NHSL2: variants seen among roughly 807,000 people sequenced by gnomAD.
The protein encoded by NHSL2 is NHS like 2, also known as NHS-like protein 2.
NHSL2 carries 27 observed loss-of-function variants against 53.4 expected under a neutral mutation model. That is an observed-to-expected ratio of 0.51 (90% CI 0.37 to 0.70). The LOEUF is 0.70. Among genes scored for constraint, NHSL2 ranks in the 30% least tolerant of loss-of-function variants. NHSL2 has a pLI of 0.00. For synonymous variants in NHSL2, 408 were observed against 404.1 expected, an observed-to-expected ratio of 1.01 and a Z score of -0.12; for missense variants, 892 against 980.1, an observed-to-expected ratio of 0.91 and a Z score of 1.20.
chrX:72,130,496 CT>C, intron 1 of NHSL2: 1 of 1,211,174 alleles, frequency 8.3e-7, no homozygotes, highest in African/African-American at 1.7e-5. Flanking sequence ...GCCTCTTGGT[CT>C]TCATCTTCAC....
chrX:71,974,628 C>T (rs761630351), intron 1 of NHSL2, among the ~76,000 whole-genome samples: 84 of 111,885 alleles, frequency 7.5e-4, no homozygotes, highest in Non-Finnish European at 1.1e-3. Context: ...GGCAAGAGCA[C>T]GCAAAATAGC....
In NHSL2 at chrX:72,144,710, ACACAC is replaced by A; in HGVS notation, c.*1137_*1141del. The A allele has an allele frequency of 7.6e-5, 1 of 13,173 alleles. No individual in the cohort carries two copies. The allele number at this position is 13,173 out of a possible 1,213,427, so 1.1% of individuals were successfully genotyped here. ...AGTTGCTATGGCCCATAATGCACACACACACACACACACACACACACACACACACA... is the reference window on the plus strand; with the variant it reads ...AGTTGCTATGGCCCATAATGCACACAACACACACACACACACACACACACA... On this transcript the variant is annotated 3_prime_UTR_variant, in exon 8 of 8. Transcript: ENST00000633930.
At chrX:71,913,695 C>G (rs1367371700) in intron 1 of NHSL2, among the ~76,000 whole-genome samples, 1 of 111,948 alleles carries the variant, frequency 8.9e-6, no homozygotes, top group African/African-American at 3.3e-5. Flanking sequence ...AGCAACATGG[C>G]CAGAGTGAAT....
rs750641294 is a variant in NHSL2 at position 72,146,901 on chromosome X, A to G, written c.*3327A>G. The stretch of plus-strand genomic sequence containing the variant: ...CATGAACTGCATCCCTAGCACAACA[A>G]CTCACCCATAAAGGAAGTGAGACAA... On this transcript the variant is annotated 3_prime_UTR_variant, in exon 8 of 8. Coordinates refer to ENST00000633930, the MANE Select transcript of NHSL2 (RefSeq NM_001013627.3). 1 of 111,205 alleles carries G rather than the reference A, an allele frequency of 9.0e-6. No homozygotes were observed. Among genetic ancestry groups the G allele is most frequent in the East Asian group, 2.8e-4 (1 of 3,560 alleles). The allele number at this position is 111,205 out of a possible 1,213,427, so 9.2% of individuals were successfully genotyped here.
intron 1 of NHSL2, among the ~76,000 whole-genome samples, chrX:72,008,517 G>A (rs1202718228): frequency 8.9e-6 from 1 of 111,761 alleles, no homozygotes; most frequent in Admixed American, 9.4e-5. Flanking sequence ...GATGATGATC[G>A]TTTTCTGGAG....
intron 1 of NHSL2, among the ~76,000 whole-genome samples, chrX:71,954,083 C>G (rs1051093945): frequency 8.9e-5 from 10 of 112,414 alleles, no homozygotes; most frequent in African/African-American, 2.9e-4. Context: ...ACTCCTTGCT[C>G]CATTATGTTA....
intron 1 of NHSL2, among the ~76,000 whole-genome samples, chrX:72,090,633 A>ATT (rs2041888025): frequency 9.0e-6 from 1 of 111,301 alleles, no homozygotes; most frequent in Admixed American, 9.5e-5. Flanking sequence ...GTAAAAGACT[A>ATT]TTTCATGAAA....
chrX:72,139,401 A>G lies in NHSL2; in HGVS notation c.1853A>G (p.Gln618Arg), dbSNP rs759868484. 8.3e-7 allele frequency: 1 copy of G among 1,209,813 alleles called. No individual in the cohort carries two copies. The highest frequency in any genetic ancestry group is 1.1e-6 in the Non-Finnish European group (1 of 894,008). The stretch of plus-strand genomic sequence containing the variant: ...CATCACTCGTCCCACCCAGATGCTC[A>G]GGGTCACCCAGCTATTCCAAACCAC... ...QGHHSSHPDA[Q>R]GHPAIPNHKD... Residue 618 changes from glutamine (Q) to arginine (R), a missense_variant, in exon 6 of 8, where the codon CAG (glutamine) becomes CGG (arginine). By Grantham distance (43) the Gln-to-Arg change is conservative. Coordinates refer to ENST00000633930, the MANE Select transcript of NHSL2 (RefSeq NM_001013627.3).
chrX:72,138,545 C>G lies in NHSL2; in HGVS notation c.997C>G (p.Gln333Glu), dbSNP rs1028290333. ...EGVHGRVAVG[Q>E]DARFPSLTSP... ...GGTTCATGGAAGAGTTGCAGTTGGT[C>G]AGGATGCTCGGTTCCCAAGTCTCAC... The change falls in exon 6 of 8, where the codon CAG becomes GAG. Residue 333 changes from glutamine (Q) to glutamate (E), a missense_variant. Gln to Glu is a conservative substitution (Grantham distance 29). Coordinates refer to ENST00000633930, the MANE Select transcript of NHSL2 (RefSeq NM_001013627.3). The G allele has an allele frequency of 1.5e-5, 18 of 1,165,382 alleles. No individual in the cohort carries two copies. Among genetic ancestry groups the G allele is most frequent in the Non-Finnish European group, 2.1e-5 (18 of 872,177 alleles).
intron 1 of NHSL2, among the ~76,000 whole-genome samples, chrX:71,934,003 C>T (rs1000844833): frequency 9.0e-6 from 1 of 110,755 alleles, no homozygotes; most frequent in Non-Finnish European, 1.9e-5. Context: ...CCTTGGAGAT[C>T]CATGCTGCCT....
chrX:71,958,416 A>G (rs762122812), intron 1 of NHSL2, among the ~76,000 whole-genome samples: 3 of 111,696 alleles, frequency 2.7e-5, no homozygotes, highest in Non-Finnish European at 5.6e-5. Context: ...ATCTGGGAAC[A>G]ATAAAGGTCC....
chrX:72,116,961 G>T (rs1453994284), intron 1 of NHSL2, among the ~76,000 whole-genome samples: 1 of 111,672 alleles, frequency 9.0e-6, no homozygotes, highest in Non-Finnish European at 1.9e-5. Flanking sequence ...CTAGTCAGTA[G>T]GTTTTTATCT....
In NHSL2 at chrX:72,140,354, A is replaced by G. The variant is rs148426364; in HGVS notation, c.2806A>G (p.Arg936Gly). 7,338 of 1,209,527 alleles carry G rather than the reference A, an allele frequency of 6.1e-3. 28 individuals are homozygous for G. Among genetic ancestry groups the G allele is most frequent in the Non-Finnish European group, 7.5e-3 (6,693 of 894,854 alleles). The change falls in exon 6 of 8, where the codon AGA becomes GGA. Residue 936 changes from arginine to glycine, a missense_variant. Arg to Gly is a moderately radical substitution (Grantham distance 125, BLOSUM62 -2). Transcript: ENST00000633930. Reference sequence around the variant, plus strand: ...AAAGCCCTCCAGCTTCCCAGATGGCAGAAGCCCAGGGGAGTCAACAGCACC... The same window carrying G: ...AAAGCCCTCCAGCTTCCCAGATGGCGGAAGCCCAGGGGAGTCAACAGCACC... Reference protein sequence around the residue: ...KPKPSSFPDGRSPGESTAPSS... With the variant: ...KPKPSSFPDGGSPGESTAPSS...
At chrX:72,099,366 T>C (rs2041972249) in intron 1 of NHSL2, among the ~76,000 whole-genome samples, 1 of 100,008 alleles carries the variant, frequency 1.0e-5, no homozygotes, top group South Asian at 5.1e-4. Context: ...TAGGAATTTT[T>C]TTTTTTTTTT....
Position 72,138,655 on chromosome X carries a change from C to T in NHSL2, c.1107C>T (p.Ser369=). Residue 369 remains serine, a synonymous_variant, in exon 6 of 8, where the codon AGC becomes AGT. Coordinates refer to ENST00000633930, the MANE Select transcript of NHSL2 (RefSeq NM_001013627.3). ...GCCCAAACCCTCCTGGCATGGAGAG[C>T]ATGGGAATGGTGTACAGTGTCCCCA... The part of the protein sequence containing the change: ...RSGPNPPGME[S]MGMVYSVPSS... The T allele has an allele frequency of 8.5e-7, 1 of 1,178,857 alleles. No individual in the cohort carries two copies. The highest frequency in any genetic ancestry group is 1.1e-6 in the Non-Finnish European group (1 of 877,835).
chrX:72,126,000 C>T (rs911418785), intron 1 of NHSL2, among the ~76,000 whole-genome samples: 6 of 111,978 alleles, frequency 5.4e-5, no homozygotes, highest in East Asian at 2.8e-4. Context: ...TTGGGAGTCA[C>T]GAAGACCTGG....
chrX:72,143,361 G>A lies in NHSL2; in HGVS notation c.3465G>A (p.Glu1155=). 1 of 1,166,768 alleles carries A rather than the reference G, an allele frequency of 8.6e-7. No individual in the cohort carries two copies. The highest frequency in any genetic ancestry group is 1.1e-6 in the Non-Finnish European group (1 of 872,185). Residue 1155 remains glutamate (E), a synonymous_variant, in exon 8 of 8, where the codon GAG becomes GAA. Transcript: ENST00000633930. ...ACACAGCTGAGTCTCCAATCAGTGA[G>A]TCTACCGCCACTGCAGGGTCAGGCA... ...IKNTAESPIS[E]STATAGSGSS...
intron 1 of NHSL2, among the ~76,000 whole-genome samples, chrX:71,963,981 A>ATATATGTG (rs1556312157): frequency 1.6e-5 from 1 of 64,404 alleles, no homozygotes; most frequent in African/African-American, 7.3e-5. Flanking sequence ...ATACATATAT[A>ATATATGTG]TATATATATA....
chrX:72,146,128 C>T lies in NHSL2; in HGVS notation c.*2554C>T, dbSNP rs2042462173. 1.8e-5 allele frequency: 2 copies of T among 112,475 alleles called. No homozygotes were observed. The highest frequency in any genetic ancestry group is 6.5e-5 in the African/African-American group (2 of 30,900). The allele number at this position is 112,475 out of a possible 1,213,427, so 9.3% of individuals were successfully genotyped here. On this transcript the variant is annotated 3_prime_UTR_variant, in exon 8 of 8. Transcript: ENST00000633930. ...TGTTGCCCACGCTGGTCTTGAACTC[C>T]TGAGCTCAAGCGATCCTCTCGCCTT...
Sources: gnomAD v4.1 joint callset for allele counts (sites outside exome capture counted in the v4.1 genomes callset) on GRCh38, gnomAD v4.1.1 for gene constraint, MANE v1.5 for transcripts, NCBI Gene and HGNC (gene_info 2026-07-23, HGNC 2026-07-21) for gene names.